Variants in DPYSL5 observed in about 807,000 individuals in gnomAD.
The protein encoded by DPYSL5 is dihydropyrimidinase-related protein 5.
DPYSL5 carries 9 observed loss-of-function variants against 58.4 expected under a neutral mutation model. The ratio of observed to expected loss-of-function variants is 0.15; its 90% confidence interval spans 0.09 to 0.27. DPYSL5 has a LOEUF of 0.27. DPYSL5 is among the 10% of genes least tolerant of loss of function. The probability of loss-of-function intolerance (pLI) is 1.00; values close to 1 mark genes in which losing one functional copy is unlikely to be tolerated. For missense variants in DPYSL5, 499 were observed against 770.6 expected (o/e 0.65, Z 4.17); for synonymous variants, 293 against 301.9 (o/e 0.97, Z 0.31).
intron 1 of DPYSL5, among the ~76,000 whole-genome samples, chr2:26,882,111 A>AAAAAAAAGAAAG (rs1308139468): frequency 5.4e-5 from 8 of 149,078 alleles, no homozygotes; most frequent in African/African-American, 7.5e-5. Context: ...AAAAAAAAAA[A>AAAAAAAAGAAAG]AGAAAGAAAG....
In DPYSL5 at chr2:26,933,164, C is replaced by T. The variant is rs1188859852; in HGVS notation, c.715-94C>T. On this transcript the variant is annotated intron_variant, in intron 6 of 12. Coordinates refer to ENST00000288699, the MANE Select transcript of DPYSL5 (RefSeq NM_020134.4). The surrounding 1 kb of genome is among the most constrained non-coding windows in gnomAD (Gnocchi z 4.2). ...TGGGGTTGAGTGACGCAGGGGGAGG[C>T]GCTGGTGCCAGGGCTGACTTTGCCA... 2.7e-6 allele frequency: 3 copies of T among 1,111,430 alleles called. No individual in the cohort carries two copies. Among genetic ancestry groups the T allele is most frequent in the Non-Finnish European group, 4.1e-6 (3 of 724,846 alleles). 68.8% of individuals were successfully genotyped at this position (1,111,430 alleles called of 1,614,324 possible). A position where few individuals can be genotyped will look rare whatever the true frequency, so the allele number is the denominator to read the frequency against.
rs551798342 is a variant in DPYSL5 at position 26,901,406 on chromosome 2, AGATTTCC to A, written c.261+2647_261+2653del. Among the ~76,000 whole-genome samples, 38 of 152,072 alleles carry A rather than the reference AGATTTCC, an allele frequency of 2.5e-4. No individual in the cohort carries two copies. In the South Asian group the frequency reaches 7.7e-3, roughly 31 times the overall value. ...CCCTTGACCCCTCCACTCCACACCA[AGATTTCC>A]CCTTTATGTTGTGGCTCCTGCAGCC... is the stretch of plus-strand genomic sequence containing the variant. On this transcript the variant is annotated intron_variant, in intron 2 of 12. Coordinates refer to ENST00000288699, the MANE Select transcript of DPYSL5 (RefSeq NM_020134.4).
intron 1 of DPYSL5, among the ~76,000 whole-genome samples, chr2:26,867,115 G>T (rs937792761): frequency 6.6e-6 from 1 of 151,998 alleles, no homozygotes; most frequent in African/African-American, 2.4e-5. Context: ...ATAAACTGGG[G>T]TGTTTCCACC....
At chr2:26,935,936 C>A (rs1665163352) in intron 8 of DPYSL5, among the ~76,000 whole-genome samples, 1 of 152,200 alleles carries the variant, frequency 6.6e-6, no homozygotes, top group African/African-American at 2.4e-5. Flanking sequence ...CAACTTATGC[C>A]TGGCCACCTT....
intron 1 of DPYSL5, among the ~76,000 whole-genome samples, chr2:26,861,082 C>T (rs959267804): frequency 1.1e-4 from 17 of 152,154 alleles, no homozygotes; most frequent in African/African-American, 4.1e-4. Flanking sequence ...ATGTGGATGG[C>T]TTATGTTCCC....
chr2:26,903,166 T>C (rs1664204417), intron 2 of DPYSL5, among the ~76,000 whole-genome samples: 1 of 151,804 alleles, frequency 6.6e-6, no homozygotes, highest in Non-Finnish European at 1.5e-5. Context: ...GTCGCCTGGG[T>C]TCACACGATT....
intron 1 of DPYSL5, among the ~76,000 whole-genome samples, chr2:26,857,547 A>AAAAAG (rs1277913894): frequency 1.3e-5 from 2 of 152,098 alleles, no homozygotes; most frequent in Non-Finnish European, 2.9e-5. Context: ...CTCAAAAAAA[A>AAAAAG]AAAAGAAAAA....
chr2:26,872,462 T>A (rs549090385), intron 1 of DPYSL5, among the ~76,000 whole-genome samples: 11 of 152,168 alleles, frequency 7.2e-5, no homozygotes, highest in African/African-American at 2.4e-4. Flanking sequence ...GAGGCCGAGG[T>A]GGGCGGATCA....
rs1237674412 is a variant in DPYSL5 at position 26,873,323 on chromosome 2, T to A, written c.-5+25069T>A. Among the ~76,000 whole-genome samples the A allele has an allele frequency of 3.4e-4, 51 of 152,156 alleles. 2 individuals are homozygous for A. The highest frequency in any genetic ancestry group is 8.8e-5 in the Non-Finnish European group (6 of 68,042). On this transcript the variant is annotated intron_variant, in intron 1 of 12. Transcript: ENST00000288699. ...TATCCCAAAAAGTGCCTCTTTCTAGTCAATCCCCCTTCCTCTCCACCACCA... is the reference window on the plus strand; with the variant it reads ...TATCCCAAAAAGTGCCTCTTTCTAGACAATCCCCCTTCCTCTCCACCACCA...
intron 2 of DPYSL5, among the ~76,000 whole-genome samples, chr2:26,923,721 C>T (rs1257163048): frequency 2.6e-5 from 4 of 152,060 alleles, no homozygotes; most frequent in African/African-American, 7.2e-5. Context: ...AGTGCAATGC[C>T]GCATTCTTGG....
At chr2:26,867,725 G>A (rs1663136155) in intron 1 of DPYSL5, among the ~76,000 whole-genome samples, 1 of 152,160 alleles carries the variant, frequency 6.6e-6, no homozygotes, top group Non-Finnish European at 1.5e-5. Flanking sequence ...AAAGTGCTGG[G>A]ATTACAGGCG....
chr2:26,866,958 T>G (rs1666159410), intron 1 of DPYSL5, among the ~76,000 whole-genome samples: 1 of 152,054 alleles, frequency 6.6e-6, no homozygotes, highest in South Asian at 2.1e-4. Context: ...GGTCTCGAAC[T>G]CCTGACCTCA....
intron 1 of DPYSL5, among the ~76,000 whole-genome samples, chr2:26,880,092 G>A (rs565680812): frequency 4.6e-5 from 7 of 152,174 alleles, no homozygotes; most frequent in South Asian, 2.1e-4. Flanking sequence ...GTCTCACTAC[G>A]CTGCCCAGGC....
intron 2 of DPYSL5, among the ~76,000 whole-genome samples, chr2:26,900,622 T>C (rs1664135313): frequency 2.6e-5 from 4 of 152,172 alleles, no homozygotes; most frequent in Admixed American, 2.0e-4. Flanking sequence ...GCAGGGCCCA[T>C]AGGGTACACT....
At chr2:26,945,592 T>C (rs1665456373) in intron 12 of DPYSL5, among the ~76,000 whole-genome samples, 3 of 145,766 alleles carry the variant, frequency 2.1e-5, no homozygotes, top group African/African-American at 7.7e-5. Flanking sequence ...GGCTGTAAGA[T>C]GCCTCGGGCC....
chr2:26,869,577 G>A (rs1344045394), intron 1 of DPYSL5, among the ~76,000 whole-genome samples: 1 of 151,978 alleles, frequency 6.6e-6, no homozygotes, highest in Non-Finnish European at 1.5e-5. Flanking sequence ...TCTTTACAAT[G>A]TTTTTCACTG....
chr2:26,924,829 A>T lies in DPYSL5; in HGVS notation c.262-58A>T, dbSNP rs1664788921. On this transcript the variant is annotated intron_variant, in intron 2 of 12. Transcript: ENST00000288699. This position sits in a 1 kb window ranked among gnomAD's most constrained non-coding sequence, Gnocchi z 4.7. ...GACCATGAGGACCATGTCTCACCACATCATTGACTCGGGGGCAGGCAGGGC... is the reference window on the plus strand; with the variant it reads ...GACCATGAGGACCATGTCTCACCACTTCATTGACTCGGGGGCAGGCAGGGC... 3 of 1,576,978 alleles carry T rather than the reference A, an allele frequency of 1.9e-6. No individual in the cohort carries two copies. The highest frequency in any genetic ancestry group is 2.6e-6 in the Non-Finnish European group (3 of 1,160,900).
In DPYSL5 at chr2:26,948,442, T is replaced by C. The variant is rs1665545729; in HGVS notation, c.*1447T>C. On this transcript the variant is annotated 3_prime_UTR_variant, in exon 13 of 13. Coordinates refer to ENST00000288699, the MANE Select transcript of DPYSL5 (RefSeq NM_020134.4). ...GGGTGTCTCCTTCCACCTCCAGTGA[T>C]CTGGGAAGTGACCCAGCCGCCTGCC... 6.6e-6 allele frequency: 1 copy of C among 152,352 alleles called. No individual in the cohort carries two copies. The highest frequency in any genetic ancestry group is 1.5e-5 in the Non-Finnish European group (1 of 68,152). The allele number at this position is 152,352 out of a possible 1,614,324, so 9.4% of individuals were successfully genotyped here.
At chr2:26,921,726 G>A (rs998240368) in intron 2 of DPYSL5, among the ~76,000 whole-genome samples, 1 of 152,148 alleles carries the variant, frequency 6.6e-6, no homozygotes, top group Non-Finnish European at 1.5e-5. Flanking sequence ...TGCTGATCCA[G>A]TGAAACTCTT....
Sources: gnomAD v4.1 joint callset for allele counts (sites outside exome capture counted in the v4.1 genomes callset) on GRCh38, gnomAD v4.1.1 for gene constraint, Gnocchi (gnomAD v3.1) non-coding constraint, MANE v1.5 for transcripts, NCBI Gene and HGNC (gene_info 2026-07-23, HGNC 2026-07-21) for gene names.